Variants in ATCAY observed in about 807,000 individuals in gnomAD.
ATCAY encodes caytaxin.
Under a neutral mutation model 47.7 loss-of-function variants are expected in ATCAY, and 22 were observed. That is an observed-to-expected ratio of 0.46 (90% CI 0.33 to 0.66). The LOEUF is 0.66. Among genes scored for constraint, ATCAY ranks in the 30% least tolerant of loss-of-function variants. The pLI is 0.02. For missense variants in ATCAY, 452 were observed against 515.0 expected (o/e 0.88, Z 1.18); for synonymous variants, 216 against 207.6 (o/e 1.04, Z -0.35).
At chr19:3,883,743 C>T (rs1029210035) in intron 1 of ATCAY, among the ~76,000 whole-genome samples, 7 of 152,158 alleles carry the variant, frequency 4.6e-5, no homozygotes, top group African/African-American at 1.7e-4. Flanking sequence ...AAGCCCAAAA[C>T]AGATGGGGTT....
At chr19:3,908,585 CTCCTCCTCCTCT>C (rs1174768193) in intron 6 of ATCAY, among the ~76,000 whole-genome samples, 1 of 150,896 alleles carries the variant, frequency 6.6e-6, no homozygotes, top group Non-Finnish European at 1.5e-5. Context: ...CCCCGTCCTC[CTCCTCCTCCTCT>C]TCCTCCTCCT....
chr19:3,885,608 GA>G (rs2038642239), intron 1 of ATCAY, 118 bp from the exon 2 acceptor site: 6 of 590,642 alleles, frequency 1.0e-5, no homozygotes, highest in African/African-American at 1.9e-5. Flanking sequence ...GAGAGAGGGG[GA>G]GGGGAAGGGG....
In ATCAY at chr19:3,913,745, C is replaced by A; in HGVS notation, c.867-13C>A. On this transcript the variant is annotated splice_polypyrimidine_tract_variant and intron_variant, in intron 8 of 12. Coordinates refer to ENST00000450849, the MANE Select transcript of ATCAY (RefSeq NM_033064.5). ...TTGCATTTCAGACCTCTCCCTCCTT[C>A]TCCCCCCGCCAGCGTCAAGTTCATC... The A allele has an allele frequency of 6.2e-7, 1 of 1,612,004 alleles. No homozygotes were observed. Among genetic ancestry groups the A allele is most frequent in the South Asian group, 1.1e-5 (1 of 90,808 alleles).
intron 1 of ATCAY, among the ~76,000 whole-genome samples, chr19:3,884,345 T>C (rs2038628466): frequency 6.6e-6 from 1 of 152,032 alleles, no homozygotes; most frequent in East Asian, 1.9e-4. Flanking sequence ...GAGGGTCTCC[T>C]TTCTAACCCC....
At chr19:3,888,685 G>T (rs1018305055) in intron 2 of ATCAY, among the ~76,000 whole-genome samples, 1 of 152,102 alleles carries the variant, frequency 6.6e-6, no homozygotes, top group Non-Finnish European at 1.5e-5. Flanking sequence ...GGGTTCCGGA[G>T]GGCAGAACGA....
chr19:3,924,479 C>A, intron 12 of ATCAY, 104 bp from the exon 13 acceptor site: 1 of 1,404,536 alleles, frequency 7.1e-7, no homozygotes, highest in Non-Finnish European at 1.0e-6. Flanking sequence ...GGGAGTTCAC[C>A]CACGCTGGGT....
At chr19:3,921,638 C>T (rs569168563) in intron 12 of ATCAY, among the ~76,000 whole-genome samples, 12 of 151,936 alleles carry the variant, frequency 7.9e-5, no homozygotes, top group East Asian at 1.9e-4. Flanking sequence ...TGGCTCATGC[C>T]TGTAATCCCA....
At chr19:3,882,403 G>A (rs956033203) in intron 1 of ATCAY, among the ~76,000 whole-genome samples, 2 of 151,460 alleles carry the variant, frequency 1.3e-5, no homozygotes, top group African/African-American at 2.4e-5. Flanking sequence ...CTGCAGTCTC[G>A]ACCTCCTGGT....
In ATCAY at chr19:3,912,293, C is replaced by T. The variant is rs1458297160; in HGVS notation, c.866+1404C>T. 2.6e-5 allele frequency among the ~76,000 whole-genome samples: 4 copies of T among 151,662 alleles called. No homozygotes were observed. The South Asian group carries it at 8.3e-4, about 32-fold the overall frequency. ...TTCGAGACCAGCCTGGGTGACATAG[C>T]GAGACCCTGTCTCTACAAAAAAAAA... On this transcript the variant is annotated intron_variant, in intron 8 of 12. Coordinates refer to ENST00000450849, the MANE Select transcript of ATCAY (RefSeq NM_033064.5).
intron 2 of ATCAY, among the ~76,000 whole-genome samples, chr19:3,890,642 C>A (rs963348148): frequency 3.9e-5 from 6 of 152,264 alleles, no homozygotes; most frequent in Middle Eastern, 3.4e-3. Context: ...CCTGCAAATG[C>A]AAGCTGGAGG....
Position 3,907,875 on chromosome 19 carries a change from A to C in ATCAY, c.500A>C (p.Asp167Ala). ...ATCGGGGAGCAAGAGCACCGTATAG[A>C]CCTGCACATGATCCGGCCTTACATG... ...VIIGEQEHRI[D>A]LHMIRPYMKV... Residue 167 changes from aspartate to alanine, a missense_variant, in exon 5 of 13, where the codon GAC becomes GCC. Transcript: ENST00000450849. This position sits in a 1 kb window ranked among gnomAD's most constrained non-coding sequence, Gnocchi z 5.1. 2 of 1,613,908 alleles carry C rather than the reference A, an allele frequency of 1.2e-6. No homozygotes were observed. The highest frequency in any genetic ancestry group is 2.2e-5 in the South Asian group (2 of 91,088).
At chr19:3,887,320 T>C (rs2038666590) in intron 2 of ATCAY, among the ~76,000 whole-genome samples, 1 of 150,914 alleles carries the variant, frequency 6.6e-6, no homozygotes, top group South Asian at 2.1e-4. Context: ...TAGCTGGGCA[T>C]GGTGGTGTGC....
intron 6 of ATCAY, among the ~76,000 whole-genome samples, chr19:3,908,990 T>C (rs1336019560): frequency 5.3e-4 from 17 of 32,180 alleles, no homozygotes; most frequent in African/African-American, 7.2e-4. Flanking sequence ...GGTGACAGAG[T>C]GAGAACCTGT....
rs1381554448 is a variant in ATCAY, at chr19:3,909,622, G to A, written c.779+5G>A. 1 of 1,578,582 alleles carries A rather than the reference G, an allele frequency of 6.3e-7. No homozygotes were observed. The highest frequency in any genetic ancestry group is 2.3e-5 in the East Asian group (1 of 42,930). ...CTACCAGATGATCGACCGGAGGTGA[G>A]GTGGGGATGCCTCAGGAAGCACAGT... On this transcript the variant is annotated splice_donor_5th_base_variant and intron_variant, in intron 7 of 12. Transcript: ENST00000450849.
chr19:3,901,192 G>A (rs966911251), intron 2 of ATCAY, among the ~76,000 whole-genome samples: 2 of 152,112 alleles, frequency 1.3e-5, no homozygotes, highest in African/African-American at 4.8e-5. Context: ...GTGAGCCACC[G>A]CACCCGGCCT....
At chr19:3,885,109 T>TTTAA (rs1555765610) in intron 1 of ATCAY, among the ~76,000 whole-genome samples, 1 of 70,312 alleles carries the variant, frequency 1.4e-5, no homozygotes, top group Non-Finnish European at 2.6e-5. Context: ...TTTTTTTTTT[T>TTTAA]AAAAAAAAAA....
chr19:3,923,824 ATGGGTGGG>A (rs910728686), intron 12 of ATCAY, among the ~76,000 whole-genome samples: 1 of 127,350 alleles, frequency 7.9e-6, no homozygotes, highest in African/African-American at 3.1e-5. Context: ...GGATGAATGG[ATGGGTGGG>A]TGGGTGGATG....
intron 2 of ATCAY, among the ~76,000 whole-genome samples, chr19:3,887,482 TA>T (rs2038668648): frequency 6.8e-6 from 1 of 146,450 alleles, no homozygotes; most frequent in Admixed American, 6.8e-5. Flanking sequence ...TTTTTTATTT[TA>T]TTTATTTATT....
At position 3,924,768 on chromosome 19, in the gene ATCAY, A is replaced by C; in HGVS notation, c.*176A>C. ...GCATCCTTTTCAGCTGCTTGAAAAC[A>C]TTGTATTTTTTTTTTTTAACGATGC... On this transcript the variant is annotated 3_prime_UTR_variant, in exon 13 of 13. Coordinates refer to ENST00000450849, the MANE Select transcript of ATCAY (RefSeq NM_033064.5). The C allele has an allele frequency of 1.7e-6, 1 of 592,034 alleles. No homozygotes were observed. The allele number at this position is 592,034 out of a possible 1,614,324, so 36.7% of individuals were successfully genotyped here.
Sources: gnomAD v4.1 joint callset for allele counts (sites outside exome capture counted in the v4.1 genomes callset) on GRCh38, gnomAD v4.1.1 for gene constraint, Gnocchi (gnomAD v3.1) non-coding constraint, MANE v1.5 for transcripts, NCBI Gene and HGNC (gene_info 2026-07-23, HGNC 2026-07-21) for gene names.